The following KIF26B variants were observed in gnomAD, a reference collection of about 807,000 sequenced individuals.
The protein encoded by KIF26B is kinesin family member 26B.
In KIF26B, 63 loss-of-function variants were observed where a neutral mutation model predicts 151.2. The observed-to-expected ratio is 0.42, with a 90% CI of 0.34 to 0.51. The LOEUF is 0.51. Ranked by LOEUF, KIF26B falls within the 20% of genes least tolerant of loss-of-function variation. The probability of loss-of-function intolerance (pLI) is 0.07; values close to 1 mark genes in which losing one functional copy is unlikely to be tolerated. For synonymous variants in KIF26B, 1,357 were observed against 1,262.1 expected (o/e 1.08, Z -1.59); for missense variants, 2,813 against 2,913.6 (o/e 0.97, Z 0.79).
chr1:245,248,646 C>T (rs1267332392), intron 2 of KIF26B, among the ~76,000 whole-genome samples: 1 of 152,186 alleles, frequency 6.6e-6, no homozygotes, highest in African/African-American at 2.4e-5. Context: ...AACACTTTGT[C>T]GCTTTTATGG....
At position 245,688,198 on chromosome 1, in the gene KIF26B, C is replaced by T. The variant is rs2044563691; in HGVS notation, c.5215C>T (p.Leu1739Phe). The T allele has an allele frequency of 1.9e-6, 3 of 1,595,512 alleles. No homozygotes were observed. The highest frequency in any genetic ancestry group is 2.5e-6 in the Non-Finnish European group (3 of 1,177,022). ...QSKISAVSRL[L>F]LASPRARGPS... is the part of the protein sequence containing the mutation. ...CAAGATCTCCGCCGTGAGCAGACTC[C>T]TCCTGGCCAGCCCCAGAGCGCGCGG... The change falls in exon 12 of 15, where the codon CTC becomes TTC. Residue 1739 changes from leucine to phenylalanine, a missense_variant. Leu to Phe is a conservative substitution (Grantham distance 22). This residue lies in a region of KIF26B where 2,060 missense variants were observed against 2,088.6 expected (regional missense o/e 0.99). Transcript: ENST00000407071.
At chr1:245,310,691 G>A (rs1245573183) in intron 2 of KIF26B, among the ~76,000 whole-genome samples, 11 of 152,208 alleles carry the variant, frequency 7.2e-5, no homozygotes, top group Non-Finnish European at 1.3e-4. Flanking sequence ...CAGCAGGCAC[G>A]TGTGCAGGGA....
At chr1:245,518,318 A>C (rs1458109398) in intron 4 of KIF26B, among the ~76,000 whole-genome samples, 1 of 152,186 alleles carries the variant, frequency 6.6e-6, no homozygotes, top group Non-Finnish European at 1.5e-5. Context: ...GAAACAGTAG[A>C]TCATGGGTCA....
intron 5 of KIF26B, among the ~76,000 whole-genome samples, chr1:245,561,554 C>G (rs527418333): frequency 1.0e-3 from 158 of 152,364 alleles, no homozygotes; most frequent in Admixed American, 3.3e-3. Context: ...GAGTGCATTA[C>G]ATACAACAGC....
At chr1:245,304,612 C>T (rs182352702) in intron 2 of KIF26B, among the ~76,000 whole-genome samples, 1 of 152,222 alleles carries the variant, frequency 6.6e-6, no homozygotes, top group African/African-American at 2.4e-5. Flanking sequence ...CAGATGTAGC[C>T]TAATACTGCA....
intron 9 of KIF26B, among the ~76,000 whole-genome samples, chr1:245,640,828 T>C (rs2043884366): frequency 6.6e-6 from 1 of 152,200 alleles, no homozygotes; most frequent in Non-Finnish European, 1.5e-5. Flanking sequence ...CTTCTGTTCC[T>C]ACATTTTAAA....
rs562259457 is a variant in KIF26B at position 245,523,065 on chromosome 1, C to T, written c.1167-17702C>T. Reference sequence around the variant, plus strand: ...CATGAGGCTAGCTACTCTTACCATCCTGTTTTACAGCTGGGGAAACTGTGG... The same window carrying T: ...CATGAGGCTAGCTACTCTTACCATCTTGTTTTACAGCTGGGGAAACTGTGG... On this transcript the variant is annotated intron_variant, in intron 4 of 14. Transcript: ENST00000407071. 5.9e-5 allele frequency among the ~76,000 whole-genome samples: 9 copies of T among 152,276 alleles called. No homozygotes were observed. In the South Asian group the frequency reaches 1.9e-3, roughly 32 times the overall value.
At chr1:245,221,139 C>G (rs1005491360) in intron 2 of KIF26B, among the ~76,000 whole-genome samples, 5 of 151,814 alleles carry the variant, frequency 3.3e-5, no homozygotes, top group African/African-American at 9.7e-5. Context: ...TTTTCTCCCT[C>G]TCCAATCTTA....
Position 245,301,838 on chromosome 1 carries a change from A to G in KIF26B, c.466-64996A>G, listed in dbSNP as rs139839202. On this transcript the variant is annotated intron_variant, in intron 2 of 14. Transcript: ENST00000407071. ...GCCTTCTAGTACCCAATTATTTATC[A>G]ATAAGTGTGAAGATTGCAACCTCCA... 4.0e-3 allele frequency among the ~76,000 whole-genome samples: 607 copies of G among 152,278 alleles called. 6 individuals carry two copies. Among genetic ancestry groups the G allele is most frequent in the African/African-American group, 0.014 (581 of 41,554 alleles).
At chr1:245,578,399 G>A (rs1201706184) in intron 5 of KIF26B, among the ~76,000 whole-genome samples, 2 of 152,278 alleles carry the variant, frequency 1.3e-5, no homozygotes, top group East Asian at 3.9e-4. Flanking sequence ...AGTTTCTTTG[G>A]CACTTTTGCT....
chr1:245,538,753 G>A (rs76124395), intron 4 of KIF26B, among the ~76,000 whole-genome samples: 2,656 of 152,194 alleles, frequency 0.017, 98 homozygotes, highest in African/African-American at 0.061. Flanking sequence ...TTTAGTTCCT[G>A]GCAGATCACT....
intron 3 of KIF26B, among the ~76,000 whole-genome samples, chr1:245,407,904 A>T (rs1163431555): frequency 6.6e-6 from 1 of 152,184 alleles, no homozygotes; most frequent in African/African-American, 2.4e-5. Flanking sequence ...CTGGGATTGC[A>T]TGGACAGTGT....
At chr1:245,326,986 T>C (rs987324996) in intron 2 of KIF26B, among the ~76,000 whole-genome samples, 38 of 152,224 alleles carry the variant, frequency 2.5e-4, no homozygotes, top group African/African-American at 6.8e-4. Context: ...TTCACTTCTC[T>C]CTTCTTTTCC....
At chr1:245,479,982 G>T (rs907113104) in intron 4 of KIF26B, among the ~76,000 whole-genome samples, 1 of 151,794 alleles carries the variant, frequency 6.6e-6, no homozygotes, top group Non-Finnish European at 1.5e-5. Flanking sequence ...AAAGCTGCCC[G>T]GCCAGGTGCA....
At position 245,602,409 on chromosome 1, in the gene KIF26B, G is replaced by A. The variant is rs978595504; in HGVS notation, c.1351-168G>A. Among the ~76,000 whole-genome samples the A allele has an allele frequency of 4.6e-5, 7 of 152,144 alleles. No homozygotes were observed. Among genetic ancestry groups the A allele is most frequent in the South Asian group, 2.1e-4 (1 of 4,818 alleles). ...TAATTATAAATAAATCAGTTTTCCC[G>A]TGACCCACCAAGGATGATGTTGCTA... On this transcript the variant is annotated intron_variant, in intron 5 of 14. Transcript: ENST00000407071. The surrounding 1 kb of genome is among the most constrained non-coding windows in gnomAD (Gnocchi z 4.5).
chr1:245,697,938 G>A (rs2044715257), intron 12 of KIF26B, among the ~76,000 whole-genome samples, 168 bp from the exon 13 acceptor site: 1 of 148,472 alleles, frequency 6.7e-6, no homozygotes, highest in South Asian at 2.1e-4. Context: ...CTACTTAGGA[G>A]GCTGAGACAA....
chr1:245,250,644 G>T (rs1389303519), intron 2 of KIF26B, among the ~76,000 whole-genome samples: 1 of 152,166 alleles, frequency 6.6e-6, no homozygotes, highest in African/African-American at 2.4e-5. Flanking sequence ...GCCATCCTCA[G>T]ATGAGGATAA....
intron 5 of KIF26B, among the ~76,000 whole-genome samples, chr1:245,567,669 C>T (rs921225327): frequency 6.6e-6 from 1 of 152,168 alleles, no homozygotes; most frequent in Non-Finnish European, 1.5e-5. Flanking sequence ...ACCATGAAAA[C>T]CTCTGGAAAA....
chr1:245,235,535 A>G (rs10924131), intron 2 of KIF26B, among the ~76,000 whole-genome samples: 53,721 of 151,550 alleles, frequency 0.35, 9,787 homozygotes, highest in East Asian at 0.62. Flanking sequence ...TGAGGTTGCA[A>G]TGAGCTATGA....
Sources: gnomAD v4.1 joint callset for allele counts (sites outside exome capture counted in the v4.1 genomes callset) on GRCh38, gnomAD v4.1.1 for gene constraint, gnomAD v4.1.1 regional missense constraint, Gnocchi (gnomAD v3.1) non-coding constraint, MANE v1.5 for transcripts, NCBI Gene and HGNC (gene_info 2026-07-23, HGNC 2026-07-21) for gene names.